Variants in NBPF3 observed in about 807,000 individuals in gnomAD.
The protein encoded by NBPF3 is NBPF member 3, also known as NBPF family member NBPF3.
In NBPF3, 57 loss-of-function variants were observed where a neutral mutation model predicts 78.1. That is an observed-to-expected ratio of 0.73 (90% CI 0.59 to 0.91). NBPF3 has a LOEUF of 0.91. Ranked by LOEUF, NBPF3 falls within the 40% of genes least tolerant of loss-of-function variation. The pLI, the probability that NBPF3 is intolerant of heterozygous loss-of-function variation, is 0.00. For synonymous variants in NBPF3, 182 were observed against 271.7 expected (o/e 0.67, Z 3.25); for missense variants, 510 against 715.3 (o/e 0.71, Z 3.27).
chr1:21,437,508 G>A (rs1640447796), upstream of NBPF3: 1 of 1,446,460 alleles, frequency 6.9e-7, no homozygotes. Context: ...CAGCGGCTGC[G>A]GAGAGCCAAG....
intron 2 of NBPF3, among the ~76,000 whole-genome samples, chr1:21,456,510 T>TA (rs910573459): frequency 2.4e-4 from 37 of 152,294 alleles, no homozygotes; most frequent in Admixed American, 9.2e-4. Context: ...AGTTTATAAT[T>TA]AAAAAAACTG....
chr1:21,462,265 T>C (rs1361000997), intron 2 of NBPF3, among the ~76,000 whole-genome samples: 1 of 152,222 alleles, frequency 6.6e-6, no homozygotes, highest in African/African-American at 2.4e-5. Flanking sequence ...ACATTCAGAA[T>C]ATATTCTTCA....
At chr1:21,471,954 A>G (rs199529719) in intron 5 of NBPF3, among the ~76,000 whole-genome samples, 171 bp downstream of exon 5, 1 of 152,180 alleles carries the variant, frequency 6.6e-6, no homozygotes, top group East Asian at 1.9e-4. Flanking sequence ...AGAGGTGGGA[A>G]ACCGATTGGG....
Position 21,472,900 on chromosome 1 carries a change from A to G in NBPF3, c.719A>G (p.Glu240Gly), listed in dbSNP as rs766605487. ...VKVEEAEKVQ[E>G]LYAPREVQKA... is the part of the protein sequence containing the mutation. Reference sequence around the variant, plus strand: ...GTTGAGGAGGCTGAGAAAGTACAGGAATTATATGCCCCCAGGTAACGCTGA... The same window carrying G: ...GTTGAGGAGGCTGAGAAAGTACAGGGATTATATGCCCCCAGGTAACGCTGA... The change falls in exon 6 of 15, where the codon GAA becomes GGA. Residue 240 changes from glutamate to glycine, a missense_variant. By Grantham distance (98) the Glu-to-Gly change is moderately conservative. This residue lies in a region of NBPF3 where 440 missense variants were observed against 478.2 expected (regional missense o/e 0.92). Transcript: ENST00000318249. The G allele has an allele frequency of 2.3e-5, 37 of 1,611,602 alleles. 2 individuals are homozygous for G. The South Asian group carries it at 3.6e-4, about 16-fold the overall frequency.
intron 4 of NBPF3, among the ~76,000 whole-genome samples, chr1:21,471,123 C>G (rs1642569892): frequency 6.6e-6 from 1 of 152,168 alleles, no homozygotes; most frequent in Non-Finnish European, 1.5e-5. Flanking sequence ...CTCAATGTTA[C>G]CTTCTCGAGC....
chr1:21,466,862 G>A (rs1194346220), intron 2 of NBPF3: 1 of 371,130 alleles, frequency 2.7e-6, no homozygotes, highest in Non-Finnish European at 3.7e-6. Flanking sequence ...CCAAATGTAA[G>A]CACAGTTTTG....
chr1:21,475,538 G>C, intron 8 of NBPF3, among the ~76,000 whole-genome samples: 1 of 152,184 alleles, frequency 6.6e-6, no homozygotes, highest in East Asian at 1.9e-4. Flanking sequence ...TTCAGGAGCA[G>C]GTTGTTCAGT....
At chr1:21,479,820 C>CTGTGTGTGTGTGTGTGTGTGTGTGTG (rs59451117) in intron 10 of NBPF3, among the ~76,000 whole-genome samples, 28 of 102,876 alleles carry the variant, frequency 2.7e-4, no homozygotes, top group Non-Finnish European at 3.8e-4. Context: ...CTCTCTCTCT[C>CTGTGTGTGTGTGTGTGTGTGTGTGTG]TGTGTGTGTG....
upstream of NBPF3, chr1:21,440,112 T>TGCAGGC (rs66732917): frequency 2.7e-3 from 415 of 151,734 alleles, 1 homozygote; most frequent in African/African-American, 9.1e-3. Context: ...GCCAGTGGGC[T>TGCAGGC]GCAGGCGCAG....
intron 2 of NBPF3, among the ~76,000 whole-genome samples, chr1:21,457,396 G>GTA (rs552671273): frequency 6.7e-6 from 1 of 149,972 alleles, no homozygotes. Flanking sequence ...ATATATGTAT[G>GTA]TATATATATG....
At chr1:21,450,841 G>GC (rs1641267469) in intron 2 of NBPF3, among the ~76,000 whole-genome samples, 1 of 152,120 alleles carries the variant, frequency 6.6e-6, no homozygotes, top group Admixed American at 6.5e-5. Flanking sequence ...CAGCTTATCT[G>GC]CCCCTAACGT....
intron 2 of NBPF3, among the ~76,000 whole-genome samples, chr1:21,464,454 G>A (rs113368763): frequency 5.3e-4 from 80 of 151,840 alleles, no homozygotes; most frequent in Admixed American, 2.7e-3. Context: ...GAGCACAAGA[G>A]GGGGGGAATT....
At chr1:21,479,820 C>CTCTCTGTGTGTGTGTGTGTGTGTGTG (rs766796014) in intron 10 of NBPF3, among the ~76,000 whole-genome samples, 54 of 102,842 alleles carry the variant, frequency 5.3e-4, no homozygotes, top group African/African-American at 1.3e-3. Flanking sequence ...CTCTCTCTCT[C>CTCTCTGTGTGTGTGTGTGTGTGTGTG]TGTGTGTGTG....
chr1:21,436,972 G>T, upstream of NBPF3: 1 of 367,630 alleles, frequency 2.7e-6, no homozygotes, highest in Non-Finnish European at 4.8e-6. This position sits in a 1 kb window ranked among gnomAD's most constrained non-coding sequence, Gnocchi z 4.3. Flanking sequence ...AGAGTGTCAG[G>T]ATCCCCAAGG....
chr1:21,455,300 C>A (rs1243891914), intron 2 of NBPF3, among the ~76,000 whole-genome samples: 1 of 152,194 alleles, frequency 6.6e-6, no homozygotes, highest in African/African-American at 2.4e-5. Flanking sequence ...AACACAATCG[C>A]AGGAGTGACA....
At chr1:21,480,662 A>G (rs1440760458) in intron 11 of NBPF3, among the ~76,000 whole-genome samples, 50 of 152,418 alleles carry the variant, frequency 3.3e-4, no homozygotes, top group African/African-American at 1.2e-3. Flanking sequence ...GATGGGAGCA[A>G]TAAGGCATAA....
chr1:21,466,406 G>A (rs1168374457), intron 2 of NBPF3, among the ~76,000 whole-genome samples: 2 of 152,292 alleles, frequency 1.3e-5, no homozygotes, highest in Non-Finnish European at 2.9e-5. Flanking sequence ...TTTCTAAATA[G>A]AGCAAAGTGT....
intron 9 of NBPF3, among the ~76,000 whole-genome samples, chr1:21,478,843 A>G (rs943580366): frequency 3.3e-5 from 5 of 152,132 alleles, no homozygotes; most frequent in Admixed American, 1.3e-4. Flanking sequence ...TCTTGCTGGT[A>G]TGTTTTCTAG....
chr1:21,469,812 G>A (rs1347603028), intron 3 of NBPF3, among the ~76,000 whole-genome samples: 2 of 152,150 alleles, frequency 1.3e-5, no homozygotes, highest in African/African-American at 4.8e-5. Flanking sequence ...GATCGCACCC[G>A]AGATTGTGTG....
Sources: allele counts gnomAD v4.1 joint callset (sites outside exome capture counted in the v4.1 genomes callset), GRCh38; gene constraint gnomAD v4.1.1; regional missense constraint gnomAD v4.1.1; non-coding constraint Gnocchi (gnomAD v3.1); transcripts MANE v1.5; gene names NCBI Gene and HGNC (gene_info 2026-07-23, HGNC 2026-07-21).